ASH2L: variants seen among roughly 807,000 people sequenced by gnomAD.
ASH2L encodes ASH2 like, histone lysine methyltransferase complex subunit.
In ASH2L, 30 loss-of-function variants were observed where a neutral mutation model predicts 81.1. The observed-to-expected ratio is 0.37, with a 90% CI of 0.28 to 0.50. ASH2L has a LOEUF of 0.50. Among genes scored for constraint, ASH2L ranks in the 20% least tolerant of loss-of-function variants. ASH2L has a pLI of 0.95. For synonymous variants in ASH2L, 273 were observed against 279.9 expected (o/e 0.98, Z 0.24); for missense variants, 559 against 792.1 (o/e 0.71, Z 3.53).
At chr8:38,114,115 G>C (rs924096930) in intron 5 of ASH2L, 77 bp from the exon 6 acceptor site, 8 of 885,268 alleles carry the variant, frequency 9.0e-6, no homozygotes, top group Non-Finnish European at 1.4e-5. Flanking sequence ...CAAGATCTTC[G>C]AAAAATGCTG....
At chr8:38,122,128 T>C (rs1387890683) in intron 10 of ASH2L, among the ~76,000 whole-genome samples, 1 of 152,234 alleles carries the variant, frequency 6.6e-6, no homozygotes, top group Non-Finnish European at 1.5e-5. Flanking sequence ...TCAGGGAGTA[T>C]AATCCAATAC....
Position 38,139,294 on chromosome 8 carries a change from G to A in ASH2L, c.*223G>A, listed in dbSNP as rs376252386. On this transcript the variant is annotated 3_prime_UTR_variant, in exon 16 of 16. Coordinates refer to ENST00000343823, the MANE Select transcript of ASH2L (RefSeq NM_004674.5). ...TTTTGTGTACCATAAGCCAACAACCGCTGACTCCAGGATTGCATAAGCCCC... is the reference window on the plus strand; with the variant it reads ...TTTTGTGTACCATAAGCCAACAACCACTGACTCCAGGATTGCATAAGCCCC... 2.1e-5 allele frequency: 10 copies of A among 486,368 alleles called. No homozygotes were observed. Among genetic ancestry groups the A allele is most frequent in the South Asian group, 2.0e-4 (6 of 29,452 alleles). 30.1% of individuals were successfully genotyped at this position (486,368 alleles called of 1,614,324 possible). A position where few individuals can be genotyped will look rare whatever the true frequency, so the allele number is the denominator to read the frequency against.
chr8:38,112,696 G>T (rs1178405406), intron 5 of ASH2L, among the ~76,000 whole-genome samples: 3 of 152,162 alleles, frequency 2.0e-5, no homozygotes, highest in Non-Finnish European at 1.5e-5. Flanking sequence ...GTTAAGGAGG[G>T]AGCATTTTTA....
In ASH2L at chr8:38,139,347, C is replaced by T; in HGVS notation, c.*276C>T. 2 of 310,490 alleles carry T rather than the reference C, an allele frequency of 6.4e-6. No homozygotes were observed. Among genetic ancestry groups the T allele is most frequent in the Non-Finnish European group, 1.2e-5 (2 of 168,704 alleles). 19.2% of individuals were successfully genotyped at this position (310,490 alleles called of 1,614,324 possible). A position where few individuals can be genotyped will look rare whatever the true frequency, so the allele number is the denominator to read the frequency against. ...GTGAAATCGGTGCTGTACTGCATAC[C>T]CTGCCAGCTGTGACTTGTTATCCTA... On this transcript the variant is annotated 3_prime_UTR_variant, in exon 16 of 16. Coordinates refer to ENST00000343823, the MANE Select transcript of ASH2L (RefSeq NM_004674.5).
rs775961865 is a variant in ASH2L at position 38,114,984 on chromosome 8, T to C, written c.761T>C (p.Phe254Ser). 6.2e-7 allele frequency: 1 copy of C among 1,608,178 alleles called. No homozygotes were observed. Among genetic ancestry groups the C allele is most frequent in the South Asian group, 1.1e-5 (1 of 90,962 alleles). Residue 254 changes from phenylalanine to serine, a missense_variant, in exon 7 of 16, where the codon TTT becomes TCT. Phe to Ser is a radical substitution (Grantham distance 155, BLOSUM62 -2). Transcript: ENST00000343823. ...SKDPEEDYPK[F>S]GLLDQDLSNI... is the part of the protein sequence containing the mutation. Reference sequence around the variant, plus strand: ...GATCCAGAAGAAGATTACCCCAAATTTGGACTTTTGGATCAGGTACATTAA... The same window carrying C: ...GATCCAGAAGAAGATTACCCCAAATCTGGACTTTTGGATCAGGTACATTAA...
At chr8:38,110,511 A>T in intron 4 of ASH2L, 44 bp downstream of exon 4, 1 of 1,551,678 alleles carries the variant, frequency 6.4e-7, no homozygotes. Flanking sequence ...TATCCACTGG[A>T]AAAGAAAAGG....
At chr8:38,130,158 T>C (rs181713130) in intron 12 of ASH2L, among the ~76,000 whole-genome samples, 41 of 151,124 alleles carry the variant, frequency 2.7e-4, no homozygotes, top group Admixed American at 1.7e-3. Context: ...CGGCCACTCA[T>C]ATGTTTTTTG....
intron 3 of ASH2L, among the ~76,000 whole-genome samples, 174 bp downstream of exon 3, chr8:38,107,340 G>C (rs1810480470): frequency 6.6e-6 from 1 of 152,094 alleles, no homozygotes. Context: ...CATGTTATCT[G>C]CTTACTGAGG....
In ASH2L at chr8:38,110,328, A is replaced by AGT. The variant is rs754391938; in HGVS notation, c.402-42_402-41dup. On this transcript the variant is annotated intron_variant, in intron 3 of 15. Coordinates refer to ENST00000343823, the MANE Select transcript of ASH2L (RefSeq NM_004674.5). ...GCCTGTCTTTAAAAAAAGAAAAAGA[A>AGT]GTGTGTGTGTTCACAAGTTCACTAA... 4 of 1,371,770 alleles carry AGT rather than the reference A, an allele frequency of 2.9e-6. No homozygotes were observed. In the South Asian group the frequency reaches 3.5e-5, roughly 12 times the overall value. The allele number at this position is 1,371,770 out of a possible 1,614,324, so 85.0% of individuals were successfully genotyped here.
At chr8:38,125,669 C>T (rs995001210) in intron 10 of ASH2L, among the ~76,000 whole-genome samples, 4 of 151,752 alleles carry the variant, frequency 2.6e-5, no homozygotes, top group African/African-American at 7.3e-5. Context: ...TGCTATCATC[C>T]AAATTCAGTT....
At chr8:38,113,688 CTT>C (rs1237593484) in intron 5 of ASH2L, among the ~76,000 whole-genome samples, 1 of 152,198 alleles carries the variant, frequency 6.6e-6, no homozygotes, top group Non-Finnish European at 1.5e-5. Context: ...AAGGACAACT[CTT>C]AATGTGTCTA....
intron 13 of ASH2L, 106 bp downstream of exon 13, chr8:38,133,652 G>T (rs895041261): frequency 2.3e-6 from 2 of 862,804 alleles, no homozygotes; most frequent in African/African-American, 3.4e-5. Flanking sequence ...GAATGAAGGG[G>T]CATCTGGTAG....
rs776118171 is a variant in ASH2L at position 38,105,587 on chromosome 8, G to A, written c.37G>A (p.Gly13Ser). ...AGGAGCAGGACCTGGCCAGGAAGCG[G>A]GTGCCGGGCCTGGCCCAGGAGCGGT... ...AAGAGPGQEA[G>S]AGPGPGAVAN... The change falls in exon 1 of 16, where the codon GGT becomes AGT. Residue 13 changes from glycine (G) to serine (S), a missense_variant. This residue lies in a region of ASH2L where 145 missense variants were observed against 115.5 expected (regional missense o/e 1.26). Coordinates refer to ENST00000343823, the MANE Select transcript of ASH2L (RefSeq NM_004674.5). 1.4e-5 allele frequency: 22 copies of A among 1,591,686 alleles called. No individual in the cohort carries two copies. Among genetic ancestry groups the A allele is most frequent in the Non-Finnish European group, 1.9e-5 (22 of 1,168,434 alleles).
At chr8:38,122,928 T>C (rs1403205770) in intron 10 of ASH2L, among the ~76,000 whole-genome samples, 2 of 150,968 alleles carry the variant, frequency 1.3e-5, no homozygotes, top group African/African-American at 2.4e-5. Flanking sequence ...AATTTTAATT[T>C]TTTAGAGGTG....
In ASH2L at chr8:38,128,877, G is replaced by A. The variant is rs767918385; in HGVS notation, c.1453G>A (p.Val485Ile). The A allele has an allele frequency of 1.7e-5, 27 of 1,613,980 alleles. No homozygotes were observed. The highest frequency in any genetic ancestry group is 4.4e-5 in the South Asian group (4 of 91,074). ...HYSSGYGQGD[V>I]LGFYINLPED... ...CTCTTCTGGCTATGGACAGGGAGAC[G>A]TCCTGGGATTTTATATTAATCTTCC... The change falls in exon 12 of 16, where the codon GTC (valine) becomes ATC (isoleucine). Residue 485 changes from valine (V) to isoleucine (I), a missense_variant. Physicochemically the swap from Val to Ile is conservative, Grantham distance 29. Coordinates refer to ENST00000343823, the MANE Select transcript of ASH2L (RefSeq NM_004674.5).
chr8:38,135,764 A>G lies in ASH2L; in HGVS notation c.1717A>G (p.Thr573Ala), dbSNP rs766761305. The G allele has an allele frequency of 1.6e-5, 26 of 1,606,374 alleles. No homozygotes were observed. Among genetic ancestry groups the G allele is most frequent in the Non-Finnish European group, 2.2e-5 (26 of 1,176,434 alleles). Residue 573 changes from threonine (T) to alanine (A), a missense_variant and splice_region_variant, in exon 14 of 16, where the codon ACG becomes GCG. Coordinates refer to ENST00000343823, the MANE Select transcript of ASH2L (RefSeq NM_004674.5). ...FPAISLYKSC[T>A]VSINFGPCFK... is the part of the protein sequence containing the mutation. The stretch of plus-strand genomic sequence containing the variant: ...AGCCATCTCACTGTACAAGAGCTGC[A>G]CGGTACGTACATGTTTCCATCCCAT...
Position 38,139,654 on chromosome 8 carries a change from A to C in ASH2L, c.*583A>C, listed in dbSNP as rs1419857993. 1.3e-5 allele frequency: 2 copies of C among 152,366 alleles called. No individual in the cohort carries two copies. The highest frequency in any genetic ancestry group is 2.9e-5 in the Non-Finnish European group (2 of 68,036). 9.4% of individuals were successfully genotyped at this position (152,366 alleles called of 1,614,324 possible). Reference sequence around the variant, plus strand: ...GTAATTGTGAAAGAAACTTGCTTGCAGCTTTAACAAAATGAGAAACTTCCC... The same window carrying C: ...GTAATTGTGAAAGAAACTTGCTTGCCGCTTTAACAAAATGAGAAACTTCCC... On this transcript the variant is annotated 3_prime_UTR_variant, in exon 16 of 16. Transcript: ENST00000343823.
intron 10 of ASH2L, among the ~76,000 whole-genome samples, 176 bp downstream of exon 10, chr8:38,121,325 C>T (rs1811133715): frequency 3.0e-5 from 3 of 100,170 alleles, no homozygotes; most frequent in African/African-American, 1.3e-4. Flanking sequence ...AAGCTCCAGC[C>T]GTTTTATTTA....
intron 9 of ASH2L, 91 bp downstream of exon 9, chr8:38,119,454 G>A: frequency 8.9e-7 from 1 of 1,119,198 alleles, no homozygotes. Flanking sequence ...TCAAGGGTCG[G>A]AGGTTAAAAA....
Sources: allele counts gnomAD v4.1 joint callset (sites outside exome capture counted in the v4.1 genomes callset), GRCh38; gene constraint gnomAD v4.1.1; regional missense constraint gnomAD v4.1.1; transcripts MANE v1.5; gene names NCBI Gene and HGNC (gene_info 2026-07-23, HGNC 2026-07-21).